MRPS27: variants seen among roughly 807,000 people sequenced by gnomAD.
MRPS27 encodes the protein mitochondrial ribosomal protein S27, also known as small ribosomal subunit protein mS27.
MRPS27 carries 43 observed loss-of-function variants against 48.9 expected under a neutral mutation model. The ratio of observed to expected loss-of-function variants is 0.88; its 90% CI spans 0.69 to 1.13. The LOEUF (loss-of-function observed/expected upper bound fraction) is 1.13. Ranked by LOEUF, MRPS27 falls within the 50% of genes most tolerant of loss-of-function variation. The pLI is 0.00. For missense variants in MRPS27, 467 were observed against 476.3 expected (o/e 0.98, Z 0.18); for synonymous variants, 188 against 171.9 (o/e 1.09, Z -0.73).
chr5:72,235,588 A>G (rs1307471695), intron 5 of MRPS27, among the ~76,000 whole-genome samples: 1 of 152,182 alleles, frequency 6.6e-6, no homozygotes, highest in Non-Finnish European at 1.5e-5. Flanking sequence ...GAGGAAGGCT[A>G]TGCATGTGTT....
At chr5:72,252,710 A>G (rs1394620419) in intron 4 of MRPS27, among the ~76,000 whole-genome samples, 1 of 152,160 alleles carries the variant, frequency 6.6e-6, no homozygotes, top group African/African-American at 2.4e-5. Context: ...TGAATAATGG[A>G]ATTGCATTTG....
intron 1 of MRPS27, among the ~76,000 whole-genome samples, chr5:72,316,939 G>T (rs1450118714): frequency 2.0e-5 from 3 of 151,034 alleles, no homozygotes; most frequent in African/African-American, 7.3e-5. Context: ...TGAGGCAAGA[G>T]AATCCCTTGA....
At chr5:72,263,747 G>A (rs1311007149) in intron 4 of MRPS27, among the ~76,000 whole-genome samples, 1 of 151,950 alleles carries the variant, frequency 6.6e-6, no homozygotes, top group Non-Finnish European at 1.5e-5. Context: ...TAGAAAAATG[G>A]AAAAGTATTG....
At chr5:72,262,033 T>G (rs1296165962) in intron 4 of MRPS27, among the ~76,000 whole-genome samples, 2 of 152,206 alleles carry the variant, frequency 1.3e-5, no homozygotes, top group South Asian at 2.1e-4. Context: ...GTTCTGCCCC[T>G]AAACCCTTTC....
intron 9 of MRPS27, among the ~76,000 whole-genome samples, chr5:72,225,304 G>C (rs1747861704): frequency 6.6e-6 from 1 of 152,150 alleles, no homozygotes; most frequent in Non-Finnish European, 1.5e-5. Flanking sequence ...AGCAACCAGA[G>C]TCAAGAAAAA....
chr5:72,265,791 C>T (rs955680652), intron 4 of MRPS27, among the ~76,000 whole-genome samples: 1 of 152,138 alleles, frequency 6.6e-6, no homozygotes, highest in Non-Finnish European at 1.5e-5. Flanking sequence ...TCGTAAAACA[C>T]AAGGAATGTT....
chr5:72,275,877 G>A (rs747591206), intron 4 of MRPS27, among the ~76,000 whole-genome samples: 1 of 152,016 alleles, frequency 6.6e-6, no homozygotes, highest in Admixed American at 6.5e-5. Context: ...AAAGGGGAAG[G>A]GGTGTCTATA....
At position 72,228,477 on chromosome 5, in the gene MRPS27, C is replaced by T. The variant is rs73761738; in HGVS notation, c.592-109G>A. The T allele has an allele frequency of 4.0e-3, 2,690 of 674,786 alleles. 52 individuals carry two copies. Among genetic ancestry groups the T allele is most frequent in the African/African-American group, 0.036 (2,015 of 55,666 alleles). The allele number at this position is 674,786 out of a possible 1,614,324, so 41.8% of individuals were successfully genotyped here. A position where few individuals can be genotyped will look rare whatever the true frequency, so the allele number is the denominator to read the frequency against. The stretch of plus-strand genomic sequence containing the variant: ...AGAACATGTTATAGCATTAAGTAAA[C>T]AAAGAAGAACAAAGCTATATATACA... On this transcript the variant is annotated intron_variant, in intron 7 of 10. Transcript: ENST00000261413.
chr5:72,228,666 G>A (rs955891625), intron 7 of MRPS27: 10 of 245,292 alleles, frequency 4.1e-5, no homozygotes, highest in South Asian at 1.5e-4. Flanking sequence ...ATGAATAAGC[G>A]TTTCTTTTAC....
chr5:72,247,995 T>G (rs766914771), intron 4 of MRPS27, among the ~76,000 whole-genome samples: 3 of 152,202 alleles, frequency 2.0e-5, no homozygotes, highest in Non-Finnish European at 4.4e-5. Context: ...TTTAGAAAGG[T>G]TTACTTTACC....
intron 2 of MRPS27, among the ~76,000 whole-genome samples, chr5:72,305,218 T>C (rs964253251): frequency 3.9e-5 from 6 of 152,198 alleles, no homozygotes; most frequent in Non-Finnish European, 7.3e-5. Flanking sequence ...AGAACGGTGA[T>C]GTGCACAAGT....
chr5:72,284,034 C>G (rs1236950308), intron 4 of MRPS27, among the ~76,000 whole-genome samples: 1 of 152,046 alleles, frequency 6.6e-6, no homozygotes, highest in Non-Finnish European at 1.5e-5. Context: ...AAAATTTACC[C>G]TGTTATAAAT....
intron 4 of MRPS27, among the ~76,000 whole-genome samples, chr5:72,252,368 C>T (rs1748689573): frequency 1.3e-5 from 2 of 152,030 alleles, no homozygotes; most frequent in Non-Finnish European, 2.9e-5. Flanking sequence ...AAAGGAAAAT[C>T]ATACTGAAGG....
At chr5:72,271,671 T>C (rs1044439838) in intron 4 of MRPS27, among the ~76,000 whole-genome samples, 2 of 152,206 alleles carry the variant, frequency 1.3e-5, no homozygotes, top group African/African-American at 4.8e-5. Flanking sequence ...ATGGACTGTA[T>C]TATAGTATTG....
chr5:72,225,779 A>ATTT (rs35100305), intron 9 of MRPS27, among the ~76,000 whole-genome samples: 59 of 146,092 alleles, frequency 4.0e-4, no homozygotes, highest in South Asian at 2.8e-3. Context: ...TCCCACTGAG[A>ATTT]TTTTTTTTTT....
chr5:72,234,227 A>G, intron 5 of MRPS27, 30 bp from the exon 6 acceptor site: 1 of 1,427,058 alleles, frequency 7.0e-7, no homozygotes. Context: ...AACAGGAAAA[A>G]AAGAGAAAAT....
At chr5:72,254,070 C>A (rs1026539756) in intron 4 of MRPS27, among the ~76,000 whole-genome samples, 1 of 152,206 alleles carries the variant, frequency 6.6e-6, no homozygotes, top group Non-Finnish European at 1.5e-5. Flanking sequence ...GGTGACCCTG[C>A]ATCTGGCTTA....
intron 4 of MRPS27, among the ~76,000 whole-genome samples, chr5:72,254,439 A>C (rs1163020419): frequency 6.6e-6 from 1 of 152,232 alleles, no homozygotes; most frequent in African/African-American, 2.4e-5. Context: ...AAAGACGGGA[A>C]AGAAAAACAC....
chr5:72,268,920 G>A (rs996427637), intron 4 of MRPS27, among the ~76,000 whole-genome samples: 1 of 152,132 alleles, frequency 6.6e-6, no homozygotes, highest in African/African-American at 2.4e-5. Flanking sequence ...CTGAAGGCAG[G>A]GGGTTAGTGT....
Sources: allele counts gnomAD v4.1 joint callset (sites outside exome capture counted in the v4.1 genomes callset), GRCh38; gene constraint gnomAD v4.1.1; transcripts MANE v1.5; gene names NCBI Gene and HGNC (gene_info 2026-07-23, HGNC 2026-07-21).